NRXN1: variants seen among roughly 807,000 people sequenced by gnomAD.
NRXN1 encodes neurexin-1.
A neutral mutation model predicts 150.9 loss-of-function variants in NRXN1; 39 were observed. The observed-to-expected ratio is 0.26, with a 90% confidence interval of 0.20 to 0.34. The LOEUF (loss-of-function observed/expected upper bound fraction) is 0.34, where lower values mean the gene tolerates loss of function less well. NRXN1 is among the 10% of genes least tolerant of loss of function. NRXN1 has a pLI of 1.00. For synonymous variants in NRXN1, 924 were observed against 757.0 expected, an observed-to-expected ratio of 1.22 and a Z score of -3.62; for missense variants, 1,815 against 1,949.9, an observed-to-expected ratio of 0.93 and a Z score of 1.30.
intron 12 of NRXN1, among the ~76,000 whole-genome samples, chr2:50,521,007 C>A (rs1367500654): frequency 1.3e-5 from 2 of 152,048 alleles, no homozygotes; most frequent in East Asian, 1.9e-4. Context: ...TAAACTACTT[C>A]CTTTGCGCCT....
chr2:50,567,463 T>A (rs1376032625), intron 8 of NRXN1, among the ~76,000 whole-genome samples: 4 of 152,112 alleles, frequency 2.6e-5, no homozygotes, highest in Non-Finnish European at 5.9e-5. Flanking sequence ...GAACAAAATA[T>A]AAAGGAGGAT....
At chr2:50,359,555 A>AG (rs1028094875) in intron 17 of NRXN1, among the ~76,000 whole-genome samples, 28 of 151,926 alleles carry the variant, frequency 1.8e-4, no homozygotes, top group African/African-American at 6.5e-4. Flanking sequence ...ACAAGATTAG[A>AG]GAAAAAAGAA....
At chr2:50,941,287 A>T (rs1457620017) in intron 2 of NRXN1, among the ~76,000 whole-genome samples, 3 of 152,176 alleles carry the variant, frequency 2.0e-5, no homozygotes, top group Non-Finnish European at 4.4e-5. Context: ...CTAATACAGA[A>T]AATTGGTACC....
At position 50,115,649 on chromosome 2, in the gene NRXN1, GA is replaced by G. The variant is rs555292769; in HGVS notation, c.3547-24156del. The stretch of plus-strand genomic sequence containing the variant: ...TCCTATACTTCCAGTCTTGGGAAAA[GA>G]AAAAAAATAAAAATTCAGTTGGACA... On this transcript the variant is annotated intron_variant, in intron 18 of 22. Coordinates refer to ENST00000401669, the MANE Select transcript of NRXN1 (RefSeq NM_001330078.2). Among the ~76,000 whole-genome samples the G allele has an allele frequency of 8.8e-4, 133 of 151,498 alleles. 1 individual carries two copies. The highest frequency in any genetic ancestry group is 3.1e-3 in the African/African-American group (130 of 41,316).
intron 17 of NRXN1, chr2:50,312,693 T>G (rs1219454107): frequency 3.9e-6 from 2 of 508,994 alleles, no homozygotes; most frequent in Non-Finnish European, 7.9e-6. Flanking sequence ...TCACATCCTC[T>G]CATCTAGTCA....
intron 8 of NRXN1, among the ~76,000 whole-genome samples, chr2:50,574,539 T>A (rs774327638): frequency 6.6e-6 from 1 of 152,068 alleles, no homozygotes; most frequent in Non-Finnish European, 1.5e-5. Context: ...GATGCATACA[T>A]AGAGGAAGTA....
At chr2:50,705,198 C>A (rs1694268571) in intron 5 of NRXN1, among the ~76,000 whole-genome samples, 1 of 151,742 alleles carries the variant, frequency 6.6e-6, no homozygotes, top group South Asian at 2.1e-4. Flanking sequence ...TAAGAGGAAA[C>A]CATACAAAGA....
rs752597718 is a variant in NRXN1, at chr2:51,027,837, T to C, written c.437A>G (p.Asp146Gly). The change falls in exon 2 of 23, where the codon GAC (aspartate) becomes GGC (glycine). Residue 146 changes from aspartate (D) to glycine (G), a missense_variant. By Grantham distance (94) the Asp-to-Gly change is moderately conservative (BLOSUM62 -1). Transcript: ENST00000401669. ...GAAAAGGCCGCTGAACACCGTCATG[T>C]CCCTGCGCTTGGACTTGACCTCCAC... ...KWVEVKSKRR[D>G]MTVFSGLFVG... 3 of 1,613,354 alleles carry C rather than the reference T, an allele frequency of 1.9e-6. No homozygotes were observed. Among genetic ancestry groups the C allele is most frequent in the Non-Finnish European group, 1.7e-6 (2 of 1,179,700 alleles).
intron 5 of NRXN1, among the ~76,000 whole-genome samples, chr2:50,851,711 A>C (rs768534622): frequency 3.9e-5 from 6 of 152,184 alleles, no homozygotes; most frequent in Non-Finnish European, 8.8e-5. Flanking sequence ...CACACATGGA[A>C]ATAAAACATA....
intron 18 of NRXN1, among the ~76,000 whole-genome samples, chr2:50,197,677 T>C (rs183180580): frequency 6.6e-6 from 1 of 152,120 alleles, no homozygotes. Context: ...TCTGTAAGTA[T>C]TTTTTCCTTT....
chr2:50,635,189 G>A (rs1964307), intron 5 of NRXN1, among the ~76,000 whole-genome samples: 46,043 of 150,578 alleles, frequency 0.31, 7,459 homozygotes, highest in East Asian at 0.52. Flanking sequence ...ATAGAGTCTC[G>A]CTCTGTCACC....
At chr2:50,711,404 T>G (rs559462703) in intron 5 of NRXN1, among the ~76,000 whole-genome samples, 1 of 150,766 alleles carries the variant, frequency 6.6e-6, no homozygotes, top group Non-Finnish European at 1.5e-5. Flanking sequence ...GGCACAATCT[T>G]GGCTCACTGC....
intron 5 of NRXN1, among the ~76,000 whole-genome samples, chr2:50,630,664 T>C (rs1469834770): frequency 1.3e-5 from 2 of 151,794 alleles, no homozygotes; most frequent in African/African-American, 4.8e-5. Context: ...TTGCTTTTCA[T>C]ACATATAATC....
chr2:50,031,629 A>G (rs906291899), intron 21 of NRXN1, among the ~76,000 whole-genome samples: 2 of 152,096 alleles, frequency 1.3e-5, no homozygotes, highest in Non-Finnish European at 2.9e-5. Flanking sequence ...AAGCTTGTCT[A>G]TATACTAACT....
Position 51,028,978 on chromosome 2 carries a change from C to G in NRXN1, c.-705G>C, listed in dbSNP as rs200913516. 6.6e-6 allele frequency: 1 copy of G among 152,252 alleles called. No homozygotes were observed. Among genetic ancestry groups the G allele is most frequent in the Non-Finnish European group, 1.5e-5 (1 of 68,056 alleles). 9.4% of individuals were successfully genotyped at this position (152,252 alleles called of 1,614,324 possible). On this transcript the variant is annotated 5_prime_UTR_variant, in exon 2 of 23. Coordinates refer to ENST00000401669, the MANE Select transcript of NRXN1 (RefSeq NM_001330078.2). Reference sequence around the variant, plus strand: ...GCCTAATTCCTTGTGCGTGGTCTCACAAGTTGGATTTTACTTCTCTTTTCA... The same window carrying G: ...GCCTAATTCCTTGTGCGTGGTCTCAGAAGTTGGATTTTACTTCTCTTTTCA...
At chr2:50,031,277 A>T (rs1009356558) in intron 21 of NRXN1, among the ~76,000 whole-genome samples, 1 of 152,012 alleles carries the variant, frequency 6.6e-6, no homozygotes, top group East Asian at 1.9e-4. Flanking sequence ...ATGTTATTAC[A>T]CTGCTAATCT....
intron 5 of NRXN1, among the ~76,000 whole-genome samples, chr2:50,682,223 GC>G (rs1223176889): frequency 6.6e-6 from 1 of 152,148 alleles, no homozygotes. Context: ...AGATGCCCCA[GC>G]AAATTACCCA....
At chr2:50,041,774 T>C (rs1691007838) in intron 21 of NRXN1, among the ~76,000 whole-genome samples, 1 of 152,200 alleles carries the variant, frequency 6.6e-6, no homozygotes, top group Non-Finnish European at 1.5e-5. Context: ...ACAATGTCAG[T>C]GATAAAATAT....
intron 5 of NRXN1, among the ~76,000 whole-genome samples, chr2:50,828,599 G>A (rs1670889621): frequency 6.6e-6 from 1 of 151,608 alleles, no homozygotes; most frequent in Non-Finnish European, 1.5e-5. Context: ...CAGGGCGGTG[G>A]GGCAAAGGCG....
Sources: gnomAD v4.1 joint callset for allele counts (sites outside exome capture counted in the v4.1 genomes callset) on GRCh38, gnomAD v4.1.1 for gene constraint, MANE v1.5 for transcripts, NCBI Gene and HGNC (gene_info 2026-07-23, HGNC 2026-07-21) for gene names.